NRK: variants seen among roughly 807,000 people sequenced by gnomAD.
The protein encoded by NRK is nik-related protein kinase.
NRK carries 67 observed loss-of-function variants against 125.2 expected under a neutral mutation model. That is an observed-to-expected ratio of 0.54 (90% CI 0.44 to 0.66). The LOEUF (loss-of-function observed/expected upper bound fraction) is 0.66, where lower values mean the gene tolerates loss of function less well. Among genes scored for constraint, NRK ranks in the 30% least tolerant of loss-of-function variants. The pLI, the probability that NRK is intolerant of heterozygous loss-of-function variation, is 0.00. For synonymous variants in NRK, 458 were observed against 429.0 expected (o/e 1.07, Z -0.84); for missense variants, 1,224 against 1,192.9 (o/e 1.03, Z -0.38).
intron 20 of NRK, 96 bp from the exon 21 acceptor site, chrX:105,935,074 A>G: frequency 6.1e-6 from 4 of 657,537 alleles, no homozygotes; most frequent in Non-Finnish European, 9.5e-6. Context: ...CTATAACTCC[A>G]TCAGGTGCAG....
At chrX:105,918,305 C>T (rs1785525250) in intron 16 of NRK, among the ~76,000 whole-genome samples, 1 of 111,109 alleles carries the variant, frequency 9.0e-6, no homozygotes, top group Admixed American at 9.6e-5. Context: ...AAAAGTTGTG[C>T]CATGGATCAT....
intron 14 of NRK, among the ~76,000 whole-genome samples, chrX:105,913,947 T>C (rs2040333735): frequency 3.6e-5 from 4 of 110,924 alleles, no homozygotes; most frequent in Admixed American, 2.9e-4. Flanking sequence ...TTAGAACATA[T>C]ATTGGTGAGG....
chrX:105,948,905 T>A (rs1237744888), intron 26 of NRK: 1 of 306,015 alleles, frequency 3.3e-6, no homozygotes, highest in East Asian at 4.8e-5. Context: ...GTTTTATGCA[T>A]CATGAAATTT....
At chrX:105,884,030 A>G (rs943758332) in intron 4 of NRK, among the ~76,000 whole-genome samples, 1 of 112,532 alleles carries the variant, frequency 8.9e-6, no homozygotes, top group African/African-American at 3.2e-5. Context: ...GATTAAGATA[A>G]TTTGAAGGGA....
At chrX:105,926,192 GATTA>G (rs772247961) in intron 19 of NRK, among the ~76,000 whole-genome samples, 31 of 111,093 alleles carry the variant, frequency 2.8e-4, no homozygotes, top group Non-Finnish European at 3.4e-4. Flanking sequence ...TTTTCCCGAT[GATTA>G]ATTATGTTGA....
At chrX:105,898,436 G>A in intron 7 of NRK, 148 bp from the exon 8 acceptor site, 1 of 456,634 alleles carries the variant, frequency 2.2e-6, no homozygotes, top group Non-Finnish European at 3.6e-6. Flanking sequence ...CAGTATTCCT[G>A]GAGTAGACTT....
At chrX:105,886,371 TATG>T (rs904162259) in intron 4 of NRK, among the ~76,000 whole-genome samples, 4 of 106,339 alleles carry the variant, frequency 3.8e-5, no homozygotes, top group Non-Finnish European at 5.8e-5. Context: ...TGCATAATGA[TATG>T]ATCAACACAC....
At chrX:105,828,638 A>T (rs1222736904) in intron 1 of NRK, among the ~76,000 whole-genome samples, 3 of 111,832 alleles carry the variant, frequency 2.7e-5, no homozygotes, top group African/African-American at 9.7e-5. Context: ...CAGATGGCCA[A>T]AGACTGTTTC....
chrX:105,906,748 A>G (rs1188507079), intron 11 of NRK, among the ~76,000 whole-genome samples, 159 bp downstream of exon 11: 1 of 96,429 alleles, frequency 1.0e-5, no homozygotes, highest in Non-Finnish European at 2.1e-5. Flanking sequence ...ATGTGCTCTT[A>G]TTTAATTTTC....
chrX:105,871,026 C>T (rs958557376), intron 2 of NRK, among the ~76,000 whole-genome samples: 37 of 111,778 alleles, frequency 3.3e-4, no homozygotes, highest in Middle Eastern at 4.6e-3. Flanking sequence ...AGCTAGCTCT[C>T]ACTATCACAT....
In NRK at chrX:105,909,217, G is replaced by A; in HGVS notation, c.1576G>A (p.Val526Ile). 8.3e-7 allele frequency: 1 copy of A among 1,210,125 alleles called. No homozygotes were observed. ...VPEEFQGQDQ[V>I]PEQQRQGQAP... ...AGAGGAATTTCAGGGTCAAGATCAG[G>A]TACCCGAACAACAAAGGCAGGGCCA... The change falls in exon 13 of 29, where the codon GTA becomes ATA. Residue 526 changes from valine (V) to isoleucine (I), a missense_variant. Transcript: ENST00000243300.
intron 26 of NRK, chrX:105,948,404 T>A (rs980333745): frequency 8.6e-6 from 2 of 232,624 alleles, no homozygotes; most frequent in African/African-American, 5.8e-5. Flanking sequence ...TGAGAAAGAA[T>A]ATAATAAAAA....
intron 2 of NRK, among the ~76,000 whole-genome samples, chrX:105,857,862 T>C (rs1185883476): frequency 1.8e-5 from 2 of 111,212 alleles, no homozygotes; most frequent in Non-Finnish European, 3.8e-5. Context: ...TCATCTTCCT[T>C]CCCACTTTTT....
At chrX:105,903,503 C>T (rs1270200074) in intron 9 of NRK, among the ~76,000 whole-genome samples, 2 of 111,542 alleles carry the variant, frequency 1.8e-5, no homozygotes, top group Non-Finnish European at 3.8e-5. Context: ...TAATATGTGT[C>T]CAACCCTTCA....
chrX:105,860,984 G>A (rs1259585219), intron 2 of NRK, among the ~76,000 whole-genome samples: 1 of 110,464 alleles, frequency 9.1e-6, no homozygotes, highest in Non-Finnish European at 1.9e-5. Context: ...ATCCTATTGG[G>A]TATATACCTC....
intron 8 of NRK, among the ~76,000 whole-genome samples, chrX:105,900,023 C>T (rs1305358694): frequency 1.8e-5 from 2 of 110,160 alleles, no homozygotes; most frequent in African/African-American, 3.3e-5. Flanking sequence ...TTTAGCCAGC[C>T]GTTGTATCTC....
At chrX:105,890,774 A>C (rs1362794872) in intron 5 of NRK, among the ~76,000 whole-genome samples, 2 of 111,800 alleles carry the variant, frequency 1.8e-5, no homozygotes, top group East Asian at 5.7e-4. Context: ...GGTCCCTCCC[A>C]TGACATGTGG....
intron 14 of NRK, among the ~76,000 whole-genome samples, chrX:105,915,467 T>C (rs1203208954): frequency 9.0e-6 from 1 of 111,319 alleles, no homozygotes; most frequent in East Asian, 2.8e-4. Flanking sequence ...AGGCTACAGA[T>C]TCCTCAACAA....
intron 5 of NRK, among the ~76,000 whole-genome samples, chrX:105,892,053 A>G (rs947682230): frequency 5.4e-5 from 6 of 111,868 alleles, no homozygotes; most frequent in African/African-American, 1.9e-4. Context: ...CAGGCATTCA[A>G]CATATATCAA....
Sources: allele counts gnomAD v4.1 joint callset (sites outside exome capture counted in the v4.1 genomes callset), GRCh38; gene constraint gnomAD v4.1.1; transcripts MANE v1.5; gene names NCBI Gene and HGNC (gene_info 2026-07-23, HGNC 2026-07-21).